NTM: variants seen among roughly 807,000 people sequenced by gnomAD.
NTM encodes the protein IgLON family member 2.
A neutral mutation model predicts 42.1 loss-of-function variants in NTM; 13 were observed. The ratio of observed to expected loss-of-function variants is 0.31; its 90% CI spans 0.20 to 0.49. The LOEUF (loss-of-function observed/expected upper bound fraction) is 0.49, where lower values mean the gene tolerates loss of function less well. Ranked by LOEUF, NTM falls within the 20% of genes least tolerant of loss-of-function variation. The pLI, the probability that NTM is intolerant of heterozygous loss-of-function variation, is 0.99. For synonymous variants in NTM, 187 were observed against 179.2 expected (o/e 1.04, Z -0.35); for missense variants, 373 against 452.8 (o/e 0.82, Z 1.60).
chr11:131,870,424 T>C (rs979618477), intron 1 of NTM, among the ~76,000 whole-genome samples: 14 of 152,214 alleles, frequency 9.2e-5, no homozygotes, highest in Non-Finnish European at 1.8e-4. Context: ...CTCTGAATGA[T>C]GGTCTCTTTC....
chr11:132,317,198 A>G (rs2095451216), intron 7 of NTM, among the ~76,000 whole-genome samples: 1 of 151,766 alleles, frequency 6.6e-6, no homozygotes, highest in African/African-American at 2.4e-5. Context: ...CTGCTCCCGC[A>G]CTCCTGAATC....
At chr11:131,493,238 CAAAT>C (rs1459027223) in intron 1 of NTM, among the ~76,000 whole-genome samples, 3 of 151,922 alleles carry the variant, frequency 2.0e-5, no homozygotes, top group East Asian at 1.9e-4. Flanking sequence ...GACACTGTCT[CAAAT>C]AAAGCAAATT....
chr11:131,899,464 T>C (rs769746481), intron 1 of NTM, among the ~76,000 whole-genome samples: 4 of 152,152 alleles, frequency 2.6e-5, no homozygotes, highest in Non-Finnish European at 4.4e-5. Flanking sequence ...ATAAGCATAA[T>C]TGAAGTATCC....
intron 1 of NTM, among the ~76,000 whole-genome samples, chr11:131,870,122 T>G (rs1335192596): frequency 2.6e-5 from 4 of 152,092 alleles, no homozygotes; most frequent in Admixed American, 2.0e-4. Flanking sequence ...TTTTATCGAG[T>G]CCATTTTCAT....
intron 2 of NTM, among the ~76,000 whole-genome samples, chr11:131,948,809 G>A (rs147306126): frequency 7.4e-4 from 113 of 152,274 alleles, no homozygotes; most frequent in African/African-American, 2.6e-3. Flanking sequence ...ATATTTTTAG[G>A]TTTGTAAAAC....
intron 1 of NTM, among the ~76,000 whole-genome samples, chr11:131,851,568 T>A (rs1297462746): frequency 6.7e-6 from 1 of 150,060 alleles, no homozygotes; most frequent in South Asian, 2.1e-4. Flanking sequence ...TGTGTGTGTG[T>A]GGCCAAGTGG....
rs1209032978 is a variant in NTM, at chr11:132,003,520, A to G, written c.167+91872A>G. Among the ~76,000 whole-genome samples the G allele has an allele frequency of 2.0e-5, 3 of 152,182 alleles. No individual in the cohort carries two copies. Among genetic ancestry groups the G allele is most frequent in the Non-Finnish European group, 1.5e-5 (1 of 68,028 alleles). On this transcript the variant is annotated intron_variant, in intron 2 of 8. Transcript: ENST00000683400. This position sits in a 1 kb window ranked among gnomAD's most constrained non-coding sequence, Gnocchi z 6.0. ...CTCAGACCTCCAATGTGCTGGGATT[A>G]TAAGCATTAGCCACTGCGCCTGGCC...
intron 4 of NTM, among the ~76,000 whole-genome samples, chr11:132,219,755 G>T (rs980814356): frequency 2.0e-5 from 3 of 152,004 alleles, no homozygotes; most frequent in Non-Finnish European, 4.4e-5. Context: ...AAAGCTCCTG[G>T]CCCCATAACA....
intron 1 of NTM, among the ~76,000 whole-genome samples, chr11:131,740,985 T>A (rs947183179): frequency 3.3e-5 from 5 of 151,946 alleles, no homozygotes; most frequent in Non-Finnish European, 7.4e-5. Flanking sequence ...ACCAACATGG[T>A]AAAACCCCGT....
chr11:132,109,386 G>A (rs571048496), intron 2 of NTM, among the ~76,000 whole-genome samples: 2 of 152,198 alleles, frequency 1.3e-5, no homozygotes, highest in East Asian at 1.9e-4. Flanking sequence ...AGGACACAGC[G>A]AGAATGTGCC....
intron 1 of NTM, among the ~76,000 whole-genome samples, chr11:131,891,635 C>A (rs573304722): frequency 2.6e-5 from 4 of 152,146 alleles, no homozygotes; most frequent in Non-Finnish European, 5.9e-5. Context: ...CTGGAAAGCA[C>A]CCCACAGGGC....
At chr11:131,669,446 C>T (rs899531209) in intron 1 of NTM, among the ~76,000 whole-genome samples, 3 of 152,178 alleles carry the variant, frequency 2.0e-5, no homozygotes, top group Non-Finnish European at 4.4e-5. Flanking sequence ...AGATACTTAG[C>T]ATCCATTAAG....
chr11:132,332,685 GGT>G (rs1491583132), intron 8 of NTM: 1 of 152,222 alleles, frequency 6.6e-6, no homozygotes, highest in East Asian at 1.9e-4. Flanking sequence ...TGCCACAGGG[GGT>G]GTTTGCCCGC....
At chr11:131,831,004 G>A (rs565006691) in intron 1 of NTM, among the ~76,000 whole-genome samples, 7 of 152,278 alleles carry the variant, frequency 4.6e-5, no homozygotes, top group African/African-American at 7.2e-5. Context: ...AAATGCTACT[G>A]ATTTTTGTAC....
intron 1 of NTM, among the ~76,000 whole-genome samples, chr11:131,734,802 G>A (rs1168367114): frequency 1.3e-5 from 2 of 152,132 alleles, no homozygotes; most frequent in African/African-American, 4.8e-5. Flanking sequence ...ACATCTCACA[G>A]TCATTATTAT....
At chr11:131,429,316 T>C (rs1235115222) in intron 1 of NTM, among the ~76,000 whole-genome samples, 3 of 152,100 alleles carry the variant, frequency 2.0e-5, no homozygotes, top group African/African-American at 7.2e-5. Flanking sequence ...ACCTGGGTTC[T>C]CCATTCCTTC....
intron 2 of NTM, among the ~76,000 whole-genome samples, chr11:131,970,029 C>T (rs1324006367): frequency 3.3e-5 from 5 of 152,120 alleles, no homozygotes; most frequent in African/African-American, 9.7e-5. Context: ...ATGCTGGTCT[C>T]GAACTCCTGG....
At chr11:131,638,772 T>C (rs893599020) in intron 1 of NTM, among the ~76,000 whole-genome samples, 2 of 152,108 alleles carry the variant, frequency 1.3e-5, no homozygotes, top group African/African-American at 4.8e-5. Context: ...CAGGAAATCT[T>C]GGACAATCTG....
intron 3 of NTM, among the ~76,000 whole-genome samples, chr11:132,202,601 C>T (rs1023877845): frequency 1.3e-5 from 2 of 152,070 alleles, no homozygotes; most frequent in Admixed American, 1.3e-4. Context: ...AGATGTGACC[C>T]ACATAATAGG....
Sources: allele counts gnomAD v4.1 joint callset (sites outside exome capture counted in the v4.1 genomes callset), GRCh38; gene constraint gnomAD v4.1.1; non-coding constraint Gnocchi (gnomAD v3.1); transcripts MANE v1.5; gene names NCBI Gene and HGNC (gene_info 2026-07-23, HGNC 2026-07-21).